NOL11: variants seen among roughly 807,000 people sequenced by gnomAD.
The protein encoded by NOL11 is nucleolar protein 11.
NOL11 carries 42 observed loss-of-function variants against 93.0 expected under a neutral mutation model. The ratio of observed to expected loss-of-function variants is 0.45; its 90% CI spans 0.35 to 0.58. NOL11 has a LOEUF of 0.58. NOL11 is among the 20% of genes least tolerant of loss of function. The pLI is 0.00. For synonymous variants in NOL11, 296 were observed against 293.7 expected, an observed-to-expected ratio of 1.01 and a Z score of -0.08; for missense variants, 775 against 841.8, an observed-to-expected ratio of 0.92 and a Z score of 0.98.
intron 17 of NOL11, 22 bp downstream of exon 17, chr17:67,743,608 A>G (rs2055274818): frequency 7.0e-7 from 1 of 1,430,006 alleles, no homozygotes. Flanking sequence ...TTTGATATAT[A>G]CTGATTTTAT....
chr17:67,730,427 A>AT, intron 7 of NOL11, among the ~76,000 whole-genome samples: 1 of 151,860 alleles, frequency 6.6e-6, no homozygotes, highest in Admixed American at 6.6e-5. Flanking sequence ...CACCCGGCTA[A>AT]TTTTTTGTAT....
At chr17:67,729,853 A>G in intron 7 of NOL11, among the ~76,000 whole-genome samples, 1 of 152,190 alleles carries the variant, frequency 6.6e-6, no homozygotes, top group Non-Finnish European at 1.5e-5. Context: ...TGCCGGGATT[A>G]CAGGCGTGAG....
chr17:67,723,790 C>G (rs2055059672), intron 5 of NOL11, among the ~76,000 whole-genome samples: 1 of 151,628 alleles, frequency 6.6e-6, no homozygotes, highest in South Asian at 2.1e-4. Context: ...CCTGTATTCC[C>G]AGATATTTGG....
At chr17:67,741,575 A>AT (rs2055257138) in intron 16 of NOL11, among the ~76,000 whole-genome samples, 1 of 151,184 alleles carries the variant, frequency 6.6e-6, no homozygotes, top group Admixed American at 6.6e-5. Context: ...TATTTATTTA[A>AT]TTTATTTTCT....
At chr17:67,731,564 T>C (rs145702620) in intron 7 of NOL11, among the ~76,000 whole-genome samples, 191 of 152,350 alleles carry the variant, frequency 1.3e-3, no homozygotes, top group African/African-American at 4.4e-3. Flanking sequence ...TATTTTTCTT[T>C]CGTTGCTTGT....
intron 16 of NOL11, among the ~76,000 whole-genome samples, chr17:67,741,413 A>G (rs913548411): frequency 1.3e-5 from 2 of 151,418 alleles, no homozygotes; most frequent in African/African-American, 4.9e-5. Context: ...AGAGACAGGG[A>G]CTCCCTGTGT....
Position 67,722,672 on chromosome 17 carries a change from GAAATTTCTTTAAAAAAA to G in NOL11, c.519+39_519+55del, listed in dbSNP as rs776016204. ...ATCTTCAATTCCTGGCCCATTTTGT[GAAATTTCTTTAAAAAAA>G]AAAAATTTATTTAGAGACAGGGTGT... On this transcript the variant is annotated intron_variant, in intron 5 of 17. Coordinates refer to ENST00000253247, the MANE Select transcript of NOL11 (RefSeq NM_015462.5). 32 of 1,479,646 alleles carry G rather than the reference GAAATTTCTTTAAAAAAA, an allele frequency of 2.2e-5. No homozygotes were observed. In the South Asian group the frequency reaches 3.8e-4, roughly 18 times the overall value. 91.7% of individuals were successfully genotyped at this position (1,479,646 alleles called of 1,614,324 possible).
chr17:67,725,013 G>A (rs114499114), intron 6 of NOL11, among the ~76,000 whole-genome samples: 3,833 of 152,220 alleles, frequency 0.025, 151 homozygotes, highest in African/African-American at 0.087. Context: ...AGCTGAGATC[G>A]TGCCAGTACA....
At chr17:67,737,819 A>G (rs1185295711) in intron 12 of NOL11, 28 bp from the exon 13 acceptor site, 1 of 1,602,242 alleles carries the variant, frequency 6.2e-7, no homozygotes, top group Non-Finnish European at 8.5e-7. Context: ...CTTAATATGT[A>G]ATAGTGATTC....
intron 5 of NOL11, among the ~76,000 whole-genome samples, chr17:67,722,909 C>T (rs1433662289): frequency 2.0e-5 from 3 of 151,818 alleles, no homozygotes; most frequent in Admixed American, 6.6e-5. Context: ...AGGCTGGTCT[C>T]GAACTCCTTG....
chr17:67,732,268 G>A (rs1279119965), intron 7 of NOL11, among the ~76,000 whole-genome samples: 13 of 152,044 alleles, frequency 8.6e-5, no homozygotes, highest in African/African-American at 2.4e-4. Flanking sequence ...GATCACCCAA[G>A]GTCAGGAGTT....
At chr17:67,720,182 T>A (rs1257320525) in intron 3 of NOL11, among the ~76,000 whole-genome samples, 1 of 152,180 alleles carries the variant, frequency 6.6e-6, no homozygotes, top group Non-Finnish European at 1.5e-5. Flanking sequence ...AATTTATACT[T>A]ATTTCCATGA....
At chr17:67,737,258 T>A in intron 11 of NOL11, 113 bp downstream of exon 11, 1 of 731,584 alleles carries the variant, frequency 1.4e-6, no homozygotes. Flanking sequence ...ATAGCTAACA[T>A]CTTGTAGTAT....
intron 7 of NOL11, among the ~76,000 whole-genome samples, chr17:67,727,352 T>A (rs1225724979): frequency 6.6e-6 from 1 of 152,236 alleles, no homozygotes; most frequent in Non-Finnish European, 1.5e-5. Context: ...CTGTGTACTT[T>A]GTTCTGTGTT....
chr17:67,719,873 G>A lies in NOL11; in HGVS notation c.256-33G>A, dbSNP rs199681336. ...ATTTATTATATGTAAATGGAGAATA[G>A]GATAGTTTTTAACTAGTATGTTTTG... On this transcript the variant is annotated intron_variant, in intron 2 of 17. Transcript: ENST00000253247. The A allele has an allele frequency of 1.8e-5, 28 of 1,532,356 alleles. No individual in the cohort carries two copies. The Admixed American group carries it at 3.8e-4, about 21-fold the overall frequency. The allele number at this position is 1,532,356 out of a possible 1,614,324, so 94.9% of individuals were successfully genotyped here. A position where few individuals can be genotyped will look rare whatever the true frequency, so the allele number is the denominator to read the frequency against.
chr17:67,724,703 A>G (rs1201140576), intron 6 of NOL11, among the ~76,000 whole-genome samples: 1 of 152,140 alleles, frequency 6.6e-6, no homozygotes, highest in African/African-American at 2.4e-5. Context: ...TTGAGGGCCT[A>G]TTGAAGTACT....
intron 10 of NOL11, 87 bp downstream of exon 10, chr17:67,736,841 C>A: frequency 1.9e-6 from 2 of 1,043,400 alleles, no homozygotes; most frequent in Non-Finnish European, 1.4e-6. Context: ...CATATCCTTA[C>A]AACTCTTAGA....
chr17:67,723,297 C>T (rs2043232662), intron 5 of NOL11, among the ~76,000 whole-genome samples: 1 of 151,268 alleles, frequency 6.6e-6, no homozygotes, highest in South Asian at 2.1e-4. Flanking sequence ...CAGGCGTGAG[C>T]CACTGCGCCT....
chr17:67,744,121 A>G lies in NOL11; in HGVS notation c.*262A>G, dbSNP rs1226282332. ...AACTGGGTTGATTTTAAGTAAAATT[A>G]TTTGTGTATTGATAAAAGTCTAATT... On this transcript the variant is annotated 3_prime_UTR_variant, in exon 18 of 18. Transcript: ENST00000253247. The G allele has an allele frequency of 5.1e-6, 1 of 196,088 alleles. No individual in the cohort carries two copies. 12.1% of individuals were successfully genotyped at this position (196,088 alleles called of 1,614,324 possible).
Sources: gnomAD v4.1 joint callset for allele counts (sites outside exome capture counted in the v4.1 genomes callset) on GRCh38, gnomAD v4.1.1 for gene constraint, MANE v1.5 for transcripts, NCBI Gene and HGNC (gene_info 2026-07-23, HGNC 2026-07-21) for gene names.